The following PIAS4 variants were observed in gnomAD, a reference collection of about 807,000 sequenced individuals.
PIAS4 encodes E3 SUMO-protein ligase PIAS4.
Under a neutral mutation model 58.0 loss-of-function variants are expected in PIAS4, and 7 were observed. The observed-to-expected ratio is 0.12, with a 90% CI of 0.07 to 0.23. The LOEUF is 0.23. Among genes scored for constraint, PIAS4 ranks in the 10% least tolerant of loss-of-function variants. The pLI, the probability that PIAS4 is intolerant of heterozygous loss-of-function variation, is 1.00. For missense variants in PIAS4, 550 were observed against 709.5 expected (o/e 0.78, Z 2.55); for synonymous variants, 364 against 312.4 (o/e 1.17, Z -1.74).
intron 1 of PIAS4, among the ~76,000 whole-genome samples, chr19:4,011,457 A>G (rs1237613074): frequency 6.6e-6 from 1 of 152,214 alleles, no homozygotes; most frequent in East Asian, 1.9e-4. Flanking sequence ...CTCAAACACC[A>G]GGGTCAGCTG....
chr19:4,014,271 A>G (rs1461907911), intron 2 of PIAS4, among the ~76,000 whole-genome samples: 2 of 152,156 alleles, frequency 1.3e-5, no homozygotes, highest in African/African-American at 4.8e-5. Context: ...CTCATAGCCC[A>G]CAGCAGTGTG....
chr19:4,035,272 A>G (rs1458444553), intron 9 of PIAS4, among the ~76,000 whole-genome samples: 1 of 152,120 alleles, frequency 6.6e-6, no homozygotes, highest in Non-Finnish European at 1.5e-5. Context: ...GAGCAGCTGT[A>G]GCCTTGACAG....
Position 4,033,205 on chromosome 19 carries a change from C to CT in PIAS4, c.981+33dup, listed in dbSNP as rs2040239402. On this transcript the variant is annotated intron_variant, in intron 8 of 10. Transcript: ENST00000262971. The stretch of plus-strand genomic sequence containing the variant: ...CGGGGCGCGGTCCCCTCCTCGAGGC[C>CT]TCTCCTGCGGCCGGCCTTCCCCCCT... 3.1e-6 allele frequency: 5 copies of CT among 1,588,552 alleles called. No homozygotes were observed. In the African/African-American group the frequency reaches 6.7e-5, roughly 21 times the overall value.
intron 3 of PIAS4, among the ~76,000 whole-genome samples, chr19:4,027,726 A>T (rs10412178): frequency 0.052 from 7,877 of 151,696 alleles, 676 homozygotes; most frequent in African/African-American, 0.18. Context: ...CGCCTGGGTA[A>T]TTTTTTGTGG....
chr19:4,038,014 T>A lies in PIAS4; in HGVS notation c.*139T>A. 9 of 816,328 alleles carry A rather than the reference T, an allele frequency of 1.1e-5. No homozygotes were observed. Among genetic ancestry groups the A allele is most frequent in the African/African-American group, 1.7e-5 (1 of 57,530 alleles). 50.6% of individuals were successfully genotyped at this position (816,328 alleles called of 1,614,324 possible). A position where few individuals can be genotyped will look rare whatever the true frequency, so the allele number is the denominator to read the frequency against. On this transcript the variant is annotated 3_prime_UTR_variant, in exon 11 of 11. Transcript: ENST00000262971. This position sits in a 1 kb window ranked among gnomAD's most constrained non-coding sequence, Gnocchi z 4.1. ...TTTTTCCACCCTTTTGCCTGGCTCC[T>A]GGCACCTGTACCTCTGGACTCTCCT...
intron 7 of PIAS4, among the ~76,000 whole-genome samples, chr19:4,031,887 C>G (rs2040226140): frequency 6.6e-6 from 1 of 152,236 alleles, no homozygotes; most frequent in Admixed American, 6.5e-5. Flanking sequence ...CCCCTCCTAG[C>G]TGCCCCTTTG....
In PIAS4 at chr19:4,013,869, G is replaced by A. The variant is rs561789668; in HGVS notation, c.454+520G>A. ...GTGCACCTCCAAGCTGGGAGCTGGA[G>A]CCCTTTTTATAACCCAACCTCGGAC... On this transcript the variant is annotated intron_variant, in intron 2 of 10. Transcript: ENST00000262971. The surrounding 1 kb of genome is among the most constrained non-coding windows in gnomAD (Gnocchi z 5.1). Among the ~76,000 whole-genome samples, 5 of 152,244 alleles carry A rather than the reference G, an allele frequency of 3.3e-5. No homozygotes were observed. In the South Asian group the frequency reaches 8.3e-4, roughly 25 times the overall value.
chr19:4,032,816 C>T (rs2040234678), intron 7 of PIAS4, among the ~76,000 whole-genome samples: 1 of 152,196 alleles, frequency 6.6e-6, no homozygotes. Flanking sequence ...AGAAAAGTCC[C>T]ATGGGTCATA....
rs1429519647 is a variant in PIAS4 at position 4,020,198 on chromosome 19, G to A, written c.455-3838G>A. Among the ~76,000 whole-genome samples the A allele has an allele frequency of 3.3e-5, 5 of 152,316 alleles. No homozygotes were observed. The East Asian group carries it at 9.7e-4, about 29-fold the overall frequency. On this transcript the variant is annotated intron_variant, in intron 2 of 10. Transcript: ENST00000262971. Reference sequence around the variant, plus strand: ...CCCAAAGTGCTGGGATTACAGGCGTGAGCCACTGCACCCGGCTTCTCGTGG... The same window carrying A: ...CCCAAAGTGCTGGGATTACAGGCGTAAGCCACTGCACCCGGCTTCTCGTGG...
At chr19:4,017,742 C>T (rs886480320) in intron 2 of PIAS4, 2 of 142,554 alleles carry the variant, frequency 1.4e-5, no homozygotes, top group Non-Finnish European at 1.5e-5. Flanking sequence ...TGCAGTGGCG[C>T]GATCTTGGCT....
intron 2 of PIAS4, among the ~76,000 whole-genome samples, chr19:4,015,061 T>C (rs2040038003): frequency 6.6e-6 from 1 of 152,180 alleles, no homozygotes; most frequent in Non-Finnish European, 1.5e-5. Flanking sequence ...AGCAGCCTCC[T>C]GGGGAGCAGG....
At chr19:4,014,043 G>T (rs927501422) in intron 2 of PIAS4, among the ~76,000 whole-genome samples, 3 of 151,904 alleles carry the variant, frequency 2.0e-5, no homozygotes, top group Non-Finnish European at 4.4e-5. Context: ...TGGAAAGGGG[G>T]CTGGCCAGTG....
chr19:4,023,837 G>A (rs2040135113), intron 2 of PIAS4, among the ~76,000 whole-genome samples, 199 bp from the exon 3 acceptor site: 1 of 152,252 alleles, frequency 6.6e-6, no homozygotes, highest in Non-Finnish European at 1.5e-5. Flanking sequence ...GCCATGGTGA[G>A]CGGCCCCGAG....
intron 2 of PIAS4, among the ~76,000 whole-genome samples, chr19:4,023,811 C>T (rs748431807): frequency 3.9e-5 from 6 of 152,234 alleles, no homozygotes; most frequent in African/African-American, 9.6e-5. Context: ...TCTGAGTGGC[C>T]GTCAACAGGA....
rs72976932 is a variant in PIAS4, at chr19:4,012,463, C to T, written c.28-460C>T. Among the ~76,000 whole-genome samples the T allele has an allele frequency of 1.9e-3, 296 of 152,182 alleles. 1 individual carries two copies. The highest frequency in any genetic ancestry group is 3.8e-3 in the Non-Finnish European group (261 of 68,002). ...ACCGTTGGCGAGACCGAAGGGAAAACATATCTGTGGCTGACATGGGTTGAG... is the reference window on the plus strand; with the variant it reads ...ACCGTTGGCGAGACCGAAGGGAAAATATATCTGTGGCTGACATGGGTTGAG... On this transcript the variant is annotated intron_variant, in intron 1 of 10. Coordinates refer to ENST00000262971, the MANE Select transcript of PIAS4 (RefSeq NM_015897.4).
intron 9 of PIAS4, among the ~76,000 whole-genome samples, chr19:4,036,070 G>T (rs146747498): frequency 6.7e-5 from 1 of 14,820 alleles, no homozygotes; most frequent in Non-Finnish European, 1.5e-4. Flanking sequence ...AGTCCACACT[G>T]TCACACATCC....
intron 2 of PIAS4, among the ~76,000 whole-genome samples, chr19:4,014,570 C>T (rs2040032455): frequency 6.6e-6 from 1 of 152,194 alleles, no homozygotes; most frequent in Admixed American, 6.5e-5. Flanking sequence ...TGCCCCCACT[C>T]TTTCCTTCGC....
chr19:4,035,044 G>A (rs2040260611), intron 9 of PIAS4, among the ~76,000 whole-genome samples: 1 of 152,176 alleles, frequency 6.6e-6, no homozygotes, highest in African/African-American at 2.4e-5. Context: ...GTGGGGTGGG[G>A]CTTTGGAGGG....
intron 2 of PIAS4, chr19:4,018,486 C>A (rs78274380): frequency 0.1 from 15,256 of 152,250 alleles, 852 homozygotes; most frequent in South Asian, 0.18. Context: ...CGTGCCCGGG[C>A]CGGAGGGCCT....
Sources: allele counts gnomAD v4.1 joint callset (sites outside exome capture counted in the v4.1 genomes callset), GRCh38; gene constraint gnomAD v4.1.1; non-coding constraint Gnocchi (gnomAD v3.1); transcripts MANE v1.5; gene names NCBI Gene and HGNC (gene_info 2026-07-23, HGNC 2026-07-21).